SRPK2: variants seen among roughly 807,000 people sequenced by gnomAD.
SRPK2 encodes the protein SFRS protein kinase 2.
Under a neutral mutation model 90.8 loss-of-function variants are expected in SRPK2, and 21 were observed. The observed-to-expected ratio is 0.23, with a 90% CI of 0.16 to 0.33. SRPK2 has a LOEUF of 0.33. Among genes scored for constraint, SRPK2 ranks in the 10% least tolerant of loss-of-function variants. The pLI is 1.00. For synonymous variants in SRPK2, 288 were observed against 311.1 expected, an observed-to-expected ratio of 0.93 and a Z score of 0.78; for missense variants, 620 against 869.0, an observed-to-expected ratio of 0.71 and a Z score of 3.60.
Position 105,374,142 on chromosome 7 carries a change from G to C in SRPK2, c.71+14506C>G, listed in dbSNP as rs908927715. Among the ~76,000 whole-genome samples, 4 of 151,872 alleles carry C rather than the reference G, an allele frequency of 2.6e-5. No homozygotes were observed. The East Asian group carries it at 7.8e-4, about 29-fold the overall frequency. On this transcript the variant is annotated intron_variant, in intron 2 of 15. Transcript: ENST00000393651. The stretch of plus-strand genomic sequence containing the variant: ...GGGTTTCACCATGTTGGCCAGGCTG[G>C]TCTCAAACTCCTCACCTCAAGTGAT...
Position 105,245,073 on chromosome 7 carries a change from A to ACACACC in SRPK2, c.72-41289_72-41288insGGTGTG, listed in dbSNP as rs1451267912. 3.5e-5 allele frequency: 21 copies of ACACACC among 592,734 alleles called. No homozygotes were observed. In the Admixed American group the frequency reaches 4.1e-4, roughly 12 times the overall value. 36.7% of individuals were successfully genotyped at this position (592,734 alleles called of 1,614,324 possible). The stretch of plus-strand genomic sequence containing the variant: ...CACACACACACACACACACACACAC[A>ACACACC]CCTCTTTTTCTTAGTATTTCCTAAC... On this transcript the variant is annotated intron_variant, in intron 2 of 15. Coordinates refer to ENST00000393651, the MANE Select transcript of SRPK2 (RefSeq NM_182692.3).
chr7:105,389,212 T>TCCCTCCCCGCCGCGGC (rs1190810830), upstream of SRPK2: 1 of 1,186,150 alleles, frequency 8.4e-7, no homozygotes, highest in Non-Finnish European at 1.1e-6. Context: ...CGCGGGACCC[T>TCCCTCCCCGCCGCGGC]CCCTCCCCGC....
intron 2 of SRPK2, among the ~76,000 whole-genome samples, chr7:105,319,700 T>C (rs1469293531): frequency 6.6e-6 from 1 of 152,124 alleles, no homozygotes; most frequent in Non-Finnish European, 1.5e-5. Flanking sequence ...GGTATGCGCC[T>C]GTAAATACAG....
At chr7:105,250,321 C>T (rs1026964078) in intron 2 of SRPK2, among the ~76,000 whole-genome samples, 1 of 151,510 alleles carries the variant, frequency 6.6e-6, no homozygotes, top group Admixed American at 6.6e-5. Flanking sequence ...GCCTGGGCAA[C>T]GGGAGCAAAA....
At chr7:105,398,653 T>C (rs1822392937) in intron 1 of SRPK2, among the ~76,000 whole-genome samples, 1 of 152,218 alleles carries the variant, frequency 6.6e-6, no homozygotes, top group African/African-American at 2.4e-5. Flanking sequence ...TTAAATTCTT[T>C]AAAGTTTATT....
At chr7:105,307,807 C>A (rs1001368614) in intron 2 of SRPK2, among the ~76,000 whole-genome samples, 12 of 152,042 alleles carry the variant, frequency 7.9e-5, no homozygotes, top group African/African-American at 2.7e-4. Context: ...TACGCTTTAT[C>A]TTTTATAATC....
At chr7:105,312,715 A>G (rs1328106501) in intron 2 of SRPK2, among the ~76,000 whole-genome samples, 19 of 152,196 alleles carry the variant, frequency 1.2e-4, no homozygotes, top group Non-Finnish European at 4.4e-5. Flanking sequence ...ACTATTTTCA[A>G]TGTGCTAAGC....
intron 2 of SRPK2, among the ~76,000 whole-genome samples, chr7:105,239,457 T>A (rs1430752179): frequency 1.3e-5 from 2 of 152,254 alleles, no homozygotes; most frequent in African/African-American, 4.8e-5. Flanking sequence ...TATCAAGGTA[T>A]CACTGAGGCA....
intron 6 of SRPK2, among the ~76,000 whole-genome samples, chr7:105,160,918 C>T (rs1362701230): frequency 7.2e-5 from 11 of 151,992 alleles, no homozygotes; most frequent in Admixed American, 2.0e-4. Flanking sequence ...TATTCACATC[C>T]TTCCATATAC....
At chr7:105,359,863 G>T (rs1392652948) in intron 2 of SRPK2, among the ~76,000 whole-genome samples, 1 of 152,122 alleles carries the variant, frequency 6.6e-6, no homozygotes, top group East Asian at 1.9e-4. Flanking sequence ...CGTTGATTTG[G>T]GGTGGAGAAT....
chr7:105,345,277 G>A (rs1364977056), intron 2 of SRPK2, among the ~76,000 whole-genome samples: 1 of 152,124 alleles, frequency 6.6e-6, no homozygotes, highest in Non-Finnish European at 1.5e-5. Context: ...GGGATTTTAA[G>A]TAGCAGTGTA....
chr7:105,202,579 C>T (rs1396307861), intron 3 of SRPK2, among the ~76,000 whole-genome samples: 1 of 152,286 alleles, frequency 6.6e-6, no homozygotes, highest in South Asian at 2.1e-4. Flanking sequence ...TCATATTGTT[C>T]TTAATATTCA....
At chr7:105,192,063 T>TTTTA (rs1445832373) in intron 3 of SRPK2, among the ~76,000 whole-genome samples, 1 of 151,584 alleles carries the variant, frequency 6.6e-6, no homozygotes, top group East Asian at 1.9e-4. Context: ...TTTTTTTTTT[T>TTTTA]TTTAATTTCC....
intron 2 of SRPK2, among the ~76,000 whole-genome samples, chr7:105,350,899 A>G (rs1817095023): frequency 6.6e-6 from 1 of 152,192 alleles, no homozygotes; most frequent in Non-Finnish European, 1.5e-5. Context: ...GTAAGAAGCC[A>G]CGTCTGCCAG....
chr7:105,306,315 C>A (rs1400805872), intron 2 of SRPK2: 2 of 321,656 alleles, frequency 6.2e-6, no homozygotes, highest in Non-Finnish European at 1.2e-5. Flanking sequence ...TAATCAGAAC[C>A]TGACGGATCA....
At chr7:105,156,451 T>C (rs1371518355) in intron 7 of SRPK2, among the ~76,000 whole-genome samples, 1 of 152,238 alleles carries the variant, frequency 6.6e-6, no homozygotes, top group Non-Finnish European at 1.5e-5. Context: ...TTAGCATTAC[T>C]ATCTCTCATT....
intron 2 of SRPK2, among the ~76,000 whole-genome samples, chr7:105,352,377 T>C (rs753782528): frequency 6.6e-6 from 1 of 152,188 alleles, no homozygotes; most frequent in Admixed American, 6.5e-5. Context: ...AGCTGACATG[T>C]TGTGAGAACA....
chr7:105,292,766 T>C (rs536238282), intron 2 of SRPK2, among the ~76,000 whole-genome samples: 7 of 152,346 alleles, frequency 4.6e-5, no homozygotes, highest in East Asian at 3.9e-4. Context: ...GAGAAAACTA[T>C]AAATGGTAGT....
At chr7:105,179,565 C>T (rs1792456568) in intron 3 of SRPK2, among the ~76,000 whole-genome samples, 1 of 152,128 alleles carries the variant, frequency 6.6e-6, no homozygotes, top group African/African-American at 2.4e-5. Context: ...TGGCTAATGT[C>T]TGTAATCCGA....
Sources: allele counts gnomAD v4.1 joint callset (sites outside exome capture counted in the v4.1 genomes callset), GRCh38; gene constraint gnomAD v4.1.1; transcripts MANE v1.5; gene names NCBI Gene and HGNC (gene_info 2026-07-23, HGNC 2026-07-21).